The following SULT4A1 variants were observed in gnomAD, a reference collection of about 807,000 sequenced individuals.
The protein encoded by SULT4A1 is sulfotransferase 4A1.
In SULT4A1, 11 loss-of-function variants were observed where a neutral mutation model predicts 35.2. The observed-to-expected ratio is 0.31, with a 90% CI of 0.20 to 0.52. The LOEUF (loss-of-function observed/expected upper bound fraction) is 0.52. Among genes scored for constraint, SULT4A1 ranks in the 20% least tolerant of loss-of-function variants. The pLI is 0.97. For synonymous variants in SULT4A1, 152 were observed against 151.8 expected (o/e 1.00, Z -0.01); for missense variants, 271 against 383.7 (o/e 0.71, Z 2.45).
intron 1 of SULT4A1, among the ~76,000 whole-genome samples, chr22:43,846,444 A>G (rs1795740163): frequency 1.3e-5 from 2 of 152,224 alleles, no homozygotes; most frequent in African/African-American, 4.8e-5. Context: ...GCATGTGGCC[A>G]TGCTCAATTC....
At chr22:43,836,467 T>G (rs370339804) in intron 4 of SULT4A1, among the ~76,000 whole-genome samples, 87 of 45,916 alleles carry the variant, frequency 1.9e-3, no homozygotes, top group East Asian at 6.8e-3. Context: ...GCCACAGGGA[T>G]CCTGTCTACA....
intron 6 of SULT4A1, chr22:43,826,635 A>G: frequency 6.1e-6 from 6 of 985,440 alleles, no homozygotes; most frequent in Non-Finnish European, 7.2e-6. Context: ...GGAAAAAAAA[A>G]TCATTCAAAG....
At chr22:43,849,954 C>T (rs544993136) in intron 1 of SULT4A1, among the ~76,000 whole-genome samples, 5 of 152,350 alleles carry the variant, frequency 3.3e-5, no homozygotes, top group Admixed American at 3.3e-4. Context: ...GCCTCGCTCA[C>T]CTGCGTGCTC....
At chr22:43,858,833 A>C (rs1217711501) in intron 1 of SULT4A1, among the ~76,000 whole-genome samples, 1 of 152,164 alleles carries the variant, frequency 6.6e-6, no homozygotes, top group Non-Finnish European at 1.5e-5. Context: ...ATAAAAAGGA[A>C]ATAATCACAA....
At chr22:43,830,402 AG>A (rs2063316941) in intron 5 of SULT4A1, among the ~76,000 whole-genome samples, 1 of 152,216 alleles carries the variant, frequency 6.6e-6, no homozygotes, top group Non-Finnish European at 1.5e-5. Flanking sequence ...TCTCAGAGGA[AG>A]GGGCGTTTCT....
At chr22:43,835,904 G>A (rs940376606) in intron 4 of SULT4A1, among the ~76,000 whole-genome samples, 1 of 152,222 alleles carries the variant, frequency 6.6e-6, no homozygotes, top group African/African-American at 2.4e-5. Context: ...GAGGGGGGAC[G>A]GGAATGAGCT....
chr22:43,838,253 C>A (rs1461097839), intron 4 of SULT4A1, among the ~76,000 whole-genome samples: 2 of 152,252 alleles, frequency 1.3e-5, no homozygotes, highest in African/African-American at 4.8e-5. Context: ...AGGGTGGAAC[C>A]CAGCCTCGCT....
chr22:43,835,421 C>G (rs908077044), intron 4 of SULT4A1, among the ~76,000 whole-genome samples: 10 of 152,224 alleles, frequency 6.6e-5, no homozygotes, highest in African/African-American at 1.9e-4. Context: ...AGCAGCCCAG[C>G]TGGATGAGGA....
chr22:43,841,430 C>T (rs572126404), intron 2 of SULT4A1, among the ~76,000 whole-genome samples: 2 of 152,268 alleles, frequency 1.3e-5, no homozygotes, highest in South Asian at 4.1e-4. Context: ...TCTGGGGTAA[C>T]ATTTATTCAT....
At chr22:43,841,580 C>T (rs80248330) in intron 2 of SULT4A1, among the ~76,000 whole-genome samples, 1,761 of 152,274 alleles carry the variant, frequency 0.012, 14 homozygotes, top group Middle Eastern at 0.024. Context: ...GCATTGACTT[C>T]CTTTCCACTT....
intron 6 of SULT4A1, chr22:43,827,017 T>C (rs779542459): frequency 4.1e-6 from 4 of 985,404 alleles, no homozygotes; most frequent in Middle Eastern, 5.2e-4. Flanking sequence ...GTTGCTCCCA[T>C]TGTCTTTGTT....
intron 1 of SULT4A1, among the ~76,000 whole-genome samples, chr22:43,857,055 A>G (rs1475134875): frequency 6.6e-6 from 1 of 152,238 alleles, no homozygotes; most frequent in Non-Finnish European, 1.5e-5. Context: ...AAAGATGGAC[A>G]ACACACATGA....
At chr22:43,827,725 G>A in intron 6 of SULT4A1, 1 of 972,372 alleles carries the variant, frequency 1.0e-6, no homozygotes, top group Non-Finnish European at 1.5e-6. Context: ...GGAGCATATG[G>A]GCACACAGTA....
intron 1 of SULT4A1, among the ~76,000 whole-genome samples, chr22:43,844,458 G>A (rs1018020624): frequency 2.6e-5 from 4 of 152,178 alleles, no homozygotes; most frequent in African/African-American, 7.2e-5. Context: ...TCAGCCACGC[G>A]GCTGAGCCAG....
chr22:43,838,989 A>T lies in SULT4A1; in HGVS notation c.386T>A (p.Ile129Asn). 2 of 1,614,044 alleles carry T rather than the reference A, an allele frequency of 1.2e-6. No individual in the cohort carries two copies. Among genetic ancestry groups the T allele is most frequent in the Non-Finnish European group, 1.7e-6 (2 of 1,179,896 alleles). The part of the protein sequence containing the change: ...SDLHNGDSKV[I>N]YMARNPKDLV... ...ATCCTTGGGGTTGCGAGCCATATAG[A>T]TGACCTGTGGGTGACAGGAGCAGGA... The change falls in exon 4 of 7, where the codon ATC becomes AAC. Residue 129 changes from isoleucine (I) to asparagine (N), a missense_variant. Ile to Asn is a moderately radical substitution (Grantham distance 149). Coordinates refer to ENST00000330884, the MANE Select transcript of SULT4A1 (RefSeq NM_014351.4).
In SULT4A1 at chr22:43,829,196, G is replaced by C; in HGVS notation, c.606C>G (p.Asp202Glu). ...CCAGCTGCTCCACCATCGTCACCAG[G>C]TCCTGGAAGACAAGTGCAGAGAGCA... ...LFLKYEDMHR[D>E]LVTMVEQLAR... The change falls in exon 6 of 7, where the codon GAC (aspartate) becomes GAG (glutamate). Residue 202 changes from aspartate to glutamate, a missense_variant and splice_region_variant. Around this residue, in one of 3 missense-constraint regions of SULT4A1, gnomAD observed 75 missense variants for 67.7 expected, o/e 1.11. Coordinates refer to ENST00000330884, the MANE Select transcript of SULT4A1 (RefSeq NM_014351.4). 1 of 1,559,974 alleles carries C rather than the reference G, an allele frequency of 6.4e-7. No individual in the cohort carries two copies. Among genetic ancestry groups the C allele is most frequent in the African/African-American group, 1.4e-5 (1 of 73,432 alleles).
At chr22:43,854,611 A>G (rs542589705) in intron 1 of SULT4A1, among the ~76,000 whole-genome samples, 1 of 152,322 alleles carries the variant, frequency 6.6e-6, no homozygotes, top group Non-Finnish European at 1.5e-5. Context: ...AAGCACCTGC[A>G]CCTGCTTCCC....
At chr22:43,840,303 G>A (rs2063415987) in intron 2 of SULT4A1, among the ~76,000 whole-genome samples, 1 of 151,860 alleles carries the variant, frequency 6.6e-6, no homozygotes, top group African/African-American at 2.4e-5. Flanking sequence ...GGGTCAGAGG[G>A]AAAGGTGAGG....
chr22:43,843,016 G>GC (rs1376158152), intron 1 of SULT4A1, among the ~76,000 whole-genome samples: 1 of 111,554 alleles, frequency 9.0e-6, no homozygotes, highest in Non-Finnish European at 1.9e-5. Flanking sequence ...ACCTTCTCCT[G>GC]CCCCCACCCC....
Sources: allele counts gnomAD v4.1 joint callset (sites outside exome capture counted in the v4.1 genomes callset), GRCh38; gene constraint gnomAD v4.1.1; regional missense constraint gnomAD v4.1.1; transcripts MANE v1.5; gene names NCBI Gene and HGNC (gene_info 2026-07-23, HGNC 2026-07-21).